EVI2A: variants seen among roughly 807,000 people sequenced by gnomAD.
EVI2A encodes protein EVI2A.
A neutral mutation model predicts 13.0 loss-of-function variants in EVI2A; 11 were observed. The observed-to-expected ratio is 0.85, with a 90% CI of 0.53 to 1.40. EVI2A has a LOEUF of 1.40. Ranked by LOEUF, EVI2A falls within the 40% of genes most tolerant of loss-of-function variation. EVI2A has a pLI of 0.00. For missense variants in EVI2A, 267 were observed against 279.5 expected (o/e 0.96, Z 0.32); for synonymous variants, 89 against 98.0 (o/e 0.91, Z 0.54).
Position 31,318,044 on chromosome 17 carries a change from C to T in EVI2A, c.*259G>A. The stretch of plus-strand genomic sequence containing the variant: ...CTTGCTATCTCTATTAATCAGTTTC[C>T]TCAATTTATCCTTAAAATTTTCCTC... On this transcript the variant is annotated 3_prime_UTR_variant, in exon 2 of 2. Coordinates refer to ENST00000462804, the MANE Select transcript of EVI2A (RefSeq NM_014210.4). The T allele has an allele frequency of 9.6e-6, 4 of 417,646 alleles. No homozygotes were observed. Among genetic ancestry groups the T allele is most frequent in the Non-Finnish European group, 1.3e-5 (3 of 235,292 alleles). 25.9% of individuals were successfully genotyped at this position (417,646 alleles called of 1,614,324 possible).
Position 31,318,914 on chromosome 17 carries a change from G to A in EVI2A, c.100C>T (p.Arg34Cys), listed in dbSNP as rs550878364. The change falls in exon 2 of 2, where the codon CGT (arginine) becomes TGT (cysteine). Residue 34 changes from arginine (R) to cysteine (C), a missense_variant. Transcript: ENST00000462804. ...LSPGTKANYT[R>C]LWANSTSSWD... The stretch of plus-strand genomic sequence containing the variant: ...GAAGAAGTACTGTTAGCCCACAGAC[G>A]GGTATAGTTTGCTTTTGTTCCAGGA... 3.7e-5 allele frequency: 60 copies of A among 1,613,972 alleles called. No individual in the cohort carries two copies. The highest frequency in any genetic ancestry group is 3.3e-4 in the South Asian group (30 of 91,070).
At chr17:31,321,396 G>C (rs961182309) in intron 1 of EVI2A, 99 bp downstream of exon 1, 1 of 152,110 alleles carries the variant, frequency 6.6e-6, no homozygotes, top group Non-Finnish European at 1.5e-5. Flanking sequence ...TAGTTTGTTA[G>C]TGAGATTCTT....
rs2069057303 is a variant in EVI2A, at chr17:31,317,583, T to C, written c.*720A>G. 6.6e-6 allele frequency: 1 copy of C among 152,220 alleles called. No homozygotes were observed. The highest frequency in any genetic ancestry group is 1.5e-5 in the Non-Finnish European group (1 of 68,036). The allele number at this position is 152,220 out of a possible 1,614,324, so 9.4% of individuals were successfully genotyped here. A position where few individuals can be genotyped will look rare whatever the true frequency, so the allele number is the denominator to read the frequency against. The stretch of plus-strand genomic sequence containing the variant: ...CCTATTGGTGTGGCTATAAATCTTA[T>C]TTATTTTAGTTGTGCTCTATTTCTT... On this transcript the variant is annotated 3_prime_UTR_variant, in exon 2 of 2. Transcript: ENST00000462804.
chr17:31,319,769 AACAG>A (rs1434853296), intron 1 of EVI2A, among the ~76,000 whole-genome samples: 2 of 150,418 alleles, frequency 1.3e-5, no homozygotes, highest in African/African-American at 4.8e-5. Context: ...AAAAAAAAAA[AACAG>A]CAAATTTCCT....
At position 31,319,003 on chromosome 17, in the gene EVI2A, T is replaced by C; in HGVS notation, c.11A>G (p.Asp4Gly). The change falls in exon 2 of 2, where the codon GAC becomes GGC. Residue 4 changes from aspartate to glycine, a missense_variant. Transcript: ENST00000462804. MPT[D>G]MEHTGHYLHL... Reference sequence around the variant, plus strand: ...TAGGTAATGTCCTGTGTGTTCCATGTCCGTGGGCATGCTTGGCAATCTGTT... The same window carrying C: ...TAGGTAATGTCCTGTGTGTTCCATGCCCGTGGGCATGCTTGGCAATCTGTT... 6.2e-7 allele frequency: 1 copy of C among 1,601,468 alleles called. No homozygotes were observed. Among genetic ancestry groups the C allele is most frequent in the Non-Finnish European group, 8.5e-7 (1 of 1,176,062 alleles).
rs1275070212 is a variant in EVI2A at position 31,317,947 on chromosome 17, A to G, written c.*356T>C. 4.7e-6 allele frequency: 1 copy of G among 213,274 alleles called. No individual in the cohort carries two copies. The highest frequency in any genetic ancestry group is 9.4e-6 in the Non-Finnish European group (1 of 106,652). 13.2% of individuals were successfully genotyped at this position (213,274 alleles called of 1,614,324 possible). A position where few individuals can be genotyped will look rare whatever the true frequency, so the allele number is the denominator to read the frequency against. On this transcript the variant is annotated 3_prime_UTR_variant, in exon 2 of 2. Transcript: ENST00000462804. ...CTTTAAGGACACACTAAAACTATTC[A>G]AAGTTTAATTACATTCAGACAAAGA... is the stretch of plus-strand genomic sequence containing the variant.
rs571315603 is a variant in EVI2A, at chr17:31,317,403, A to ACACACACCCCC, written c.*899_*900insGGGGGTGTGTG. Among the ~76,000 whole-genome samples the ACACACACCCCC allele has an allele frequency of 4.8e-5, 7 of 147,180 alleles. No individual in the cohort carries two copies. The highest frequency in any genetic ancestry group is 1.8e-4 in the African/African-American group (7 of 38,530). On this transcript the variant is annotated 3_prime_UTR_variant, in exon 2 of 2. Coordinates refer to ENST00000462804, the MANE Select transcript of EVI2A (RefSeq NM_014210.4). ...CACACACACACACACACACACACACACCCCTAATAAATCATTAGGCTACTT... is the reference window on the plus strand; with the variant it reads ...CACACACACACACACACACACACACACACACACCCCCCCCCTAATAAATCATTAGGCTACTT...
At position 31,318,357 on chromosome 17, in the gene EVI2A, C is replaced by A; in HGVS notation, c.657G>T (p.Arg219Ser). 6.2e-7 allele frequency: 1 copy of A among 1,612,772 alleles called. No individual in the cohort carries two copies. Among genetic ancestry groups the A allele is most frequent in the Non-Finnish European group, 8.5e-7 (1 of 1,179,588 alleles). ...CAGTTCCTTCTTCATCTTTTCTTTC[C>A]CTTGTAGCTGTGAGCACTCCAGTAG... ...MQSTGVLTATRERKDEEGTEK... is the reference protein window; with the variant it reads ...MQSTGVLTATSERKDEEGTEK... Residue 219 changes from arginine (R) to serine (S), a missense_variant, in exon 2 of 2, where the codon AGG becomes AGT. By Grantham distance (110) the Arg-to-Ser change is moderately radical. Coordinates refer to ENST00000462804, the MANE Select transcript of EVI2A (RefSeq NM_014210.4).
Position 31,318,906 on chromosome 17 carries a change from C to T in EVI2A, c.108G>A (p.Trp36Ter). 6.2e-7 allele frequency: 1 copy of T among 1,613,944 alleles called. No homozygotes were observed. The highest frequency in any genetic ancestry group is 8.5e-7 in the Non-Finnish European group (1 of 1,179,932). Residue 36 changes from tryptophan to a stop codon, truncating the protein, a stop_gained, in exon 2 of 2, where the codon TGG becomes TGA. Transcript: ENST00000462804. LOFTEE classifies it high-confidence loss of function. Reference sequence around the variant, plus strand: ...AATCCCAGGAAGAAGTACTGTTAGCCCACAGACGGGTATAGTTTGCTTTTG... The same window carrying T: ...AATCCCAGGAAGAAGTACTGTTAGCTCACAGACGGGTATAGTTTGCTTTTG... ...PGTKANYTRL[W>*]ANSTSSWDSV...
In EVI2A at chr17:31,318,608, G is replaced by A. The variant is rs759792906; in HGVS notation, c.406C>T (p.Leu136=). The part of the protein sequence containing the change: ...CAENNNNMAM[L]ICLIIIAVLF... The stretch of plus-strand genomic sequence containing the variant: ...ACTGCAATTATAATTAAGCAAATTA[G>A]CATAGCCATGTTGTTGTTGTTTTCC... Residue 136 remains leucine (L), a synonymous_variant, in exon 2 of 2, where the codon CTA becomes TTA. Transcript: ENST00000462804. 22 of 1,613,934 alleles carry A rather than the reference G, an allele frequency of 1.4e-5. No individual in the cohort carries two copies. The Middle Eastern group carries it at 4.9e-4, about 36-fold the overall frequency.
rs2069052267 is a variant in EVI2A, at chr17:31,317,408, T to A, written c.*895A>T. Among the ~76,000 whole-genome samples the A allele has an allele frequency of 7.8e-6, 1 of 128,734 alleles. No homozygotes were observed. Among genetic ancestry groups the A allele is most frequent in the South Asian group, 2.6e-4 (1 of 3,888 alleles). The allele number at this position is 128,734 out of a possible 152,430, so 84.5% of individuals were successfully genotyped here. On this transcript the variant is annotated 3_prime_UTR_variant, in exon 2 of 2. Transcript: ENST00000462804. ...ACACACACACACACACACACACCCC[T>A]AATAAATCATTAGGCTACTTGGCAT...
In EVI2A at chr17:31,318,727, A is replaced by G. The variant is rs200395851; in HGVS notation, c.287T>C (p.Ile96Thr). The change falls in exon 2 of 2, where the codon ATA becomes ACA. Residue 96 changes from isoleucine to threonine, a missense_variant. By Grantham distance (89) the Ile-to-Thr change is moderately conservative. Coordinates refer to ENST00000462804, the MANE Select transcript of EVI2A (RefSeq NM_014210.4). Reference protein sequence around the residue: ...LTSKSEQELYIPSVVSNSPST... With the variant: ...LTSKSEQELYTPSVVSNSPST... ...AGGACTGTTGCTGACGACAGAAGGT[A>G]TATAAAGCTCCTGTTCAGATTTAGA... The G allele has an allele frequency of 2.5e-5, 40 of 1,614,096 alleles. No homozygotes were observed. The highest frequency in any genetic ancestry group is 3.1e-5 in the Non-Finnish European group (37 of 1,179,946).
intron 1 of EVI2A, among the ~76,000 whole-genome samples, chr17:31,321,220 A>G (rs1409224092): frequency 6.6e-6 from 1 of 152,202 alleles, no homozygotes; most frequent in Non-Finnish European, 1.5e-5. Context: ...TTATTTTTTA[A>G]CTTTTGAAAA....
At chr17:31,319,755 GA>G (rs71142045) in intron 1 of EVI2A, among the ~76,000 whole-genome samples, 48,306 of 117,746 alleles carry the variant, frequency 0.41, 8,510 homozygotes, top group South Asian at 0.49. Context: ...AAAATCTGAA[GA>G]AAAAAAAAAA....
At chr17:31,320,533 G>T in intron 1 of EVI2A, 1 of 1,009,468 alleles carries the variant, frequency 9.9e-7, no homozygotes, top group Non-Finnish European at 1.5e-6. Flanking sequence ...TACAGAAATT[G>T]AAAATAAGAA....
intron 1 of EVI2A, chr17:31,320,843 C>G (rs1252107074): frequency 5.8e-6 from 1 of 171,748 alleles, no homozygotes; most frequent in Non-Finnish European, 1.3e-5. Flanking sequence ...TTATACTAGA[C>G]TGGACTTCTG....
chr17:31,317,682 TTTTAA>T lies in EVI2A; in HGVS notation c.*616_*620del, dbSNP rs1351601811. On this transcript the variant is annotated 3_prime_UTR_variant, in exon 2 of 2. Transcript: ENST00000462804. ...TACGTGGTCACAGGTTTATTCTGAG[TTTTAA>T]TTTATTATACAAAAGTAAAGGTTTT... 3.3e-5 allele frequency: 5 copies of T among 152,300 alleles called. No homozygotes were observed. In the East Asian group the frequency reaches 5.8e-4, roughly 18 times the overall value. 9.4% of individuals were successfully genotyped at this position (152,300 alleles called of 1,614,324 possible).
chr17:31,320,244 ATATTGT>A, intron 1 of EVI2A: 1 of 675,750 alleles, frequency 1.5e-6, no homozygotes. Context: ...AAGCAAAACT[ATATTGT>A]TCTCCTGAGA....
In EVI2A at chr17:31,318,102, A is replaced by T; in HGVS notation, c.*201T>A. ...TAGTTATTTTATTATTTGCTTTTTA[A>T]AATATTCAGTGTCAAAACAAAAGTA... On this transcript the variant is annotated 3_prime_UTR_variant, in exon 2 of 2. Coordinates refer to ENST00000462804, the MANE Select transcript of EVI2A (RefSeq NM_014210.4). The T allele has an allele frequency of 1.8e-6, 1 of 562,010 alleles. No homozygotes were observed. The highest frequency in any genetic ancestry group is 3.7e-5 in the South Asian group (1 of 27,206). 34.8% of individuals were successfully genotyped at this position (562,010 alleles called of 1,614,324 possible).
Sources: allele counts gnomAD v4.1 joint callset (sites outside exome capture counted in the v4.1 genomes callset), GRCh38; gene constraint gnomAD v4.1.1; transcripts MANE v1.5; gene names NCBI Gene and HGNC (gene_info 2026-07-23, HGNC 2026-07-21).